The following BBS7 variants were observed in gnomAD, a reference collection of about 807,000 sequenced individuals.
BBS7 encodes Bardet-Biedl syndrome 7.
In BBS7, 50 loss-of-function variants were observed where a neutral mutation model predicts 90.3. The observed-to-expected ratio is 0.55, with a 90% CI of 0.44 to 0.70. BBS7 has a LOEUF of 0.70. Ranked by LOEUF, BBS7 falls within the 30% of genes least tolerant of loss-of-function variation. BBS7 has a pLI of 0.00. For synonymous variants in BBS7, 235 were observed against 287.4 expected (o/e 0.82, Z 1.85); for missense variants, 729 against 838.9 (o/e 0.87, Z 1.62).
rs1724829712 is a variant in BBS7, at chr4:121,824,747, C to A, written c.*1113G>T. On this transcript the variant is annotated 3_prime_UTR_variant, in exon 19 of 19. Coordinates refer to ENST00000264499, the MANE Select transcript of BBS7 (RefSeq NM_176824.3). The surrounding 1 kb of genome is among the most constrained non-coding windows in gnomAD (Gnocchi z 4.1). The stretch of plus-strand genomic sequence containing the variant: ...TATGACCTTATTAAAATAAAACTCT[C>A]TTAACTATACGTGCCTTTAACAAAT... 1 of 151,738 alleles carries A rather than the reference C, an allele frequency of 6.6e-6. No homozygotes were observed. 9.4% of individuals were successfully genotyped at this position (151,738 alleles called of 1,614,324 possible).
intron 1 of BBS7, among the ~76,000 whole-genome samples, chr4:121,869,330 A>G (rs4001033): frequency 0.066 from 10,027 of 152,204 alleles, 883 homozygotes; most frequent in East Asian, 0.19. Context: ...AGTGTAGTGT[A>G]ACAAAAATAC....
intron 2 of BBS7, among the ~76,000 whole-genome samples, chr4:121,865,241 CTTT>C (rs35421537): frequency 6.3e-5 from 9 of 142,592 alleles, no homozygotes; most frequent in Admixed American, 7.0e-5. Flanking sequence ...TCTTCTCTCT[CTTT>C]TTTTTTTTTT....
intron 18 of BBS7, among the ~76,000 whole-genome samples, chr4:121,826,743 G>T (rs1203271066): frequency 1.3e-5 from 2 of 152,184 alleles, no homozygotes; most frequent in South Asian, 4.1e-4. Context: ...CAGCACTTTG[G>T]GAGGCTGAGG....
In BBS7 at chr4:121,870,461, G is replaced by C. The variant is rs1727530158; in HGVS notation, c.-148C>G. The C allele has an allele frequency of 3.6e-6, 3 of 838,936 alleles. No individual in the cohort carries two copies. Among genetic ancestry groups the C allele is most frequent in the African/African-American group, 3.4e-5 (2 of 59,516 alleles). The allele number at this position is 838,936 out of a possible 1,614,324, so 52.0% of individuals were successfully genotyped here. ...CCGCGCCTAGGTCCTGGGCTGCACA[G>C]GCGGGGCGACAGGGCAGTGGCGTCC... On this transcript the variant is annotated 5_prime_UTR_variant, in exon 1 of 19. Transcript: ENST00000264499.
chr4:121,861,578 C>A lies in BBS7; in HGVS notation c.267G>T (p.Glu89Asp). The change falls in exon 4 of 19, where the codon GAG becomes GAT. Residue 89 changes from glutamate to aspartate, a missense_variant. Physicochemically the swap from Glu to Asp is conservative, Grantham distance 45. Coordinates refer to ENST00000264499, the MANE Select transcript of BBS7 (RefSeq NM_176824.3). ...TTCCTCTTTTTGTGAAGCCTCTAAT[C>A]TCAGATGCTGCAGCAATAAAAATTT... is the stretch of plus-strand genomic sequence containing the variant. ...QEKIFIAAASEIRGFTKRGKQ... is the reference protein window; with the variant it reads ...QEKIFIAAASDIRGFTKRGKQ... The A allele has an allele frequency of 3.1e-6, 5 of 1,613,712 alleles. No individual in the cohort carries two copies. Among genetic ancestry groups the A allele is most frequent in the Non-Finnish European group, 3.4e-6 (4 of 1,179,740 alleles).
intron 12 of BBS7, among the ~76,000 whole-genome samples, chr4:121,841,903 T>TG (rs1725757643): frequency 1.3e-5 from 2 of 152,168 alleles, no homozygotes; most frequent in Non-Finnish European, 2.9e-5. Flanking sequence ...ATTGATAATA[T>TG]AATACAACTG....
chr4:121,848,779 T>G, intron 9 of BBS7, 65 bp downstream of exon 9: 5 of 1,306,612 alleles, frequency 3.8e-6, no homozygotes, highest in Non-Finnish European at 5.5e-6. Context: ...TCAAAAGCAG[T>G]TTATTAAATT....
intron 1 of BBS7, among the ~76,000 whole-genome samples, chr4:121,868,506 A>T (rs1043813450): frequency 6.6e-6 from 1 of 151,782 alleles, no homozygotes; most frequent in Non-Finnish European, 1.5e-5. Context: ...ACACAGGGAG[A>T]CTCTGTCTCT....
chr4:121,848,735 G>C (rs1726144408), intron 9 of BBS7, 109 bp downstream of exon 9: 2 of 845,646 alleles, frequency 2.4e-6, no homozygotes, highest in Non-Finnish European at 3.8e-6. Context: ...ATGAATAAGG[G>C]GGGACTACTA....
intron 9 of BBS7, among the ~76,000 whole-genome samples, 163 bp downstream of exon 9, chr4:121,848,681 T>C (rs1016222196): frequency 6.6e-6 from 1 of 152,204 alleles, no homozygotes; most frequent in African/African-American, 2.4e-5. Context: ...TCAGCACTAT[T>C]TGAGGTTTGA....
chr4:121,838,872 G>A (rs1378872230), intron 13 of BBS7, among the ~76,000 whole-genome samples: 2 of 150,106 alleles, frequency 1.3e-5, no homozygotes, highest in East Asian at 2.0e-4. Flanking sequence ...TCCAGCCTGG[G>A]TGACAAGAGC....
chr4:121,857,415 A>T (rs1283356738), intron 5 of BBS7, among the ~76,000 whole-genome samples: 1 of 152,174 alleles, frequency 6.6e-6, no homozygotes, highest in Non-Finnish European at 1.5e-5. Context: ...CGCTGTGCCC[A>T]GCCTGTTTTA....
intron 10 of BBS7, among the ~76,000 whole-genome samples, chr4:121,846,398 G>A (rs1213116647): frequency 2.0e-5 from 3 of 152,142 alleles, no homozygotes; most frequent in Non-Finnish European, 2.9e-5. Context: ...AGGGATCTGT[G>A]TAATGAACAA....
chr4:121,870,408 C>A lies in BBS7; in HGVS notation c.-95G>T. On this transcript the variant is annotated 5_prime_UTR_variant, in exon 1 of 19. Coordinates refer to ENST00000264499, the MANE Select transcript of BBS7 (RefSeq NM_176824.3). ...CCTCCGACCCAGTCAGAAGGCTGCCCGCGCCCCTCAAAAGCCAGCCCCAGC... is the reference window on the plus strand; with the variant it reads ...CCTCCGACCCAGTCAGAAGGCTGCCAGCGCCCCTCAAAAGCCAGCCCCAGC... 2 of 1,472,152 alleles carry A rather than the reference C, an allele frequency of 1.4e-6. No individual in the cohort carries two copies. The highest frequency in any genetic ancestry group is 2.3e-5 in the East Asian group (1 of 43,258). 91.2% of individuals were successfully genotyped at this position (1,472,152 alleles called of 1,614,324 possible).
chr4:121,825,875 G>A lies in BBS7; in HGVS notation c.2133C>T (p.Phe711=). The A allele has an allele frequency of 1.2e-6, 2 of 1,613,056 alleles. No individual in the cohort carries two copies. Among genetic ancestry groups the A allele is most frequent in the African/African-American group, 1.3e-5 (1 of 75,008 alleles). Residue 711 remains phenylalanine, a synonymous_variant, in exon 19 of 19, where the codon TTC becomes TTT. Coordinates refer to ENST00000264499, the MANE Select transcript of BBS7 (RefSeq NM_176824.3). ...DSYDQNALIS[F]FDAA ...TATTTGTATGTCATGCTGCATCGAA[G>A]AATGAAATCAATGCATTTTGGTCAT...
chr4:121,828,811 A>T, intron 15 of BBS7, 83 bp from the exon 16 acceptor site: 1 of 832,150 alleles, frequency 1.2e-6, no homozygotes, highest in Non-Finnish European at 1.9e-6. Context: ...TAGTACTTAG[A>T]GTATAGATTT....
rs186373297 is a variant in BBS7, at chr4:121,862,525, G to A, written c.165+692C>T. Among the ~76,000 whole-genome samples the A allele has an allele frequency of 3.3e-5, 5 of 152,266 alleles. No individual in the cohort carries two copies. The East Asian group carries it at 9.6e-4, about 29-fold the overall frequency. On this transcript the variant is annotated intron_variant, in intron 3 of 18. Transcript: ENST00000264499. ...CATTCTAAGTTTCTAATTATGATCT[G>A]TAAATATGATAATGTAATAGTAATA...
chr4:121,855,890 ATACATG>A (rs1260894066), intron 5 of BBS7, among the ~76,000 whole-genome samples: 1 of 142,668 alleles, frequency 7.0e-6, no homozygotes, highest in African/African-American at 2.8e-5. Flanking sequence ...ATATATGTAC[ATACATG>A]TATGTGTATA....
intron 1 of BBS7, among the ~76,000 whole-genome samples, chr4:121,868,553 T>C (rs1727406410): frequency 6.6e-6 from 1 of 151,580 alleles, no homozygotes; most frequent in African/African-American, 2.4e-5. Context: ...TGGTGGTGCA[T>C]GCCTGCAGGC....
Sources: allele counts gnomAD v4.1 joint callset (sites outside exome capture counted in the v4.1 genomes callset), GRCh38; gene constraint gnomAD v4.1.1; non-coding constraint Gnocchi (gnomAD v3.1); transcripts MANE v1.5; gene names NCBI Gene and HGNC (gene_info 2026-07-23, HGNC 2026-07-21).